Variants in LNX1 observed in about 807,000 individuals in gnomAD.
LNX1 encodes E3 ubiquitin-protein ligase LNX.
LNX1 carries 54 observed loss-of-function variants against 68.4 expected under a neutral mutation model. The ratio of observed to expected loss-of-function variants is 0.79; its 90% CI spans 0.63 to 0.99. The LOEUF is 0.99. LNX1 is among the 50% of genes least tolerant of loss of function. The pLI, the probability that LNX1 is intolerant of heterozygous loss-of-function variation, is 0.00. For missense variants in LNX1, 906 were observed against 926.4 expected (o/e 0.98, Z 0.29); for synonymous variants, 336 against 350.0 (o/e 0.96, Z 0.45).
intron 1 of LNX1, among the ~76,000 whole-genome samples, chr4:53,630,801 C>T (rs372605579): frequency 7.9e-5 from 12 of 152,328 alleles, no homozygotes; most frequent in East Asian, 5.8e-4. Flanking sequence ...GGTAGTTCCT[C>T]TAGGAGCAAT....
chr4:53,590,922 G>GA (rs1280185920), intron 1 of LNX1, among the ~76,000 whole-genome samples: 12 of 150,640 alleles, frequency 8.0e-5, no homozygotes, highest in South Asian at 6.3e-4. Flanking sequence ...CAGGGGGAAA[G>GA]AAAAAAAAAC....
intron 1 of LNX1, among the ~76,000 whole-genome samples, chr4:53,582,902 C>T (rs1731926544): frequency 6.6e-6 from 1 of 152,052 alleles, no homozygotes; most frequent in South Asian, 2.1e-4. Context: ...AACAGACCAG[C>T]GCCTGCCACT....
upstream of LNX1, among the ~76,000 whole-genome samples, chr4:53,594,545 C>A (rs1203343151): frequency 6.6e-6 from 1 of 151,986 alleles, no homozygotes; most frequent in African/African-American, 2.4e-5. Flanking sequence ...GCTCCATTCC[C>A]CCCTCCCATA....
intron 1 of LNX1, among the ~76,000 whole-genome samples, chr4:53,583,932 AAACAAC>A (rs57272023): frequency 0.5 from 75,004 of 149,686 alleles, 19,283 homozygotes; most frequent in East Asian, 0.69. Flanking sequence ...GACCCCCTGC[AAACAAC>A]AACAACAACA....
At chr4:53,579,848 T>C (rs1250511028) in intron 1 of LNX1, among the ~76,000 whole-genome samples, 1 of 152,200 alleles carries the variant, frequency 6.6e-6, no homozygotes, top group Non-Finnish European at 1.5e-5. Context: ...TGGATAAATA[T>C]AACATTTGGC....
At chr4:53,508,583 T>C (rs1174674428) in intron 2 of LNX1, among the ~76,000 whole-genome samples, 2 of 152,222 alleles carry the variant, frequency 1.3e-5, no homozygotes. Context: ...CTGGTGTTTA[T>C]TTTGACCATG....
intron 2 of LNX1, among the ~76,000 whole-genome samples, chr4:53,557,291 T>C (rs1729978309): frequency 6.6e-6 from 1 of 152,156 alleles, no homozygotes; most frequent in Non-Finnish European, 1.5e-5. Flanking sequence ...ATGAAGCAAA[T>C]GTGGCAAAAT....
At chr4:53,599,099 T>C (rs1732881054) in intron 2 of LNX1, among the ~76,000 whole-genome samples, 1 of 152,188 alleles carries the variant, frequency 6.6e-6, no homozygotes. Flanking sequence ...AGAGCTAACA[T>C]TTGAGTGGCA....
At chr4:53,463,379 T>C (rs1722339873) in intron 9 of LNX1, among the ~76,000 whole-genome samples, 1 of 151,808 alleles carries the variant, frequency 6.6e-6, no homozygotes, top group Admixed American at 6.6e-5. Flanking sequence ...GTAAACGCCT[T>C]CTTTTAGTGG....
Position 53,498,801 on chromosome 4 carries a change from G to T in LNX1, c.818C>A (p.Thr273Asn), listed in dbSNP as rs1472753439. The T allele has an allele frequency of 6.2e-7, 1 of 1,613,934 alleles. No individual in the cohort carries two copies. Among genetic ancestry groups the T allele is most frequent in the African/African-American group, 1.3e-5 (1 of 74,902 alleles). The change falls in exon 5 of 11, where the codon ACC (threonine) becomes AAC (asparagine). Residue 273 changes from threonine (T) to asparagine (N), a missense_variant. By Grantham distance (65) the Thr-to-Asn change is moderately conservative. Coordinates refer to ENST00000263925, the MANE Select transcript of LNX1 (RefSeq NM_001126328.3). ...LYHLIPDGEI[T>N]SIKINRVDPS... ...ATCTACTCGATTGATCTTGATGCTG[G>T]TAATTTCACCATCTGGAATCAGGTG... is the stretch of plus-strand genomic sequence containing the variant.
rs1202427369 is a variant in LNX1, at chr4:53,527,550, G to A, written c.381-19323C>T. Among the ~76,000 whole-genome samples the A allele has an allele frequency of 4.6e-5, 7 of 152,224 alleles. No individual in the cohort carries two copies. In the East Asian group the frequency reaches 9.6e-4, roughly 21 times the overall value. ...TTGGCTCCACTGGTTCTGGAGGGCA[G>A]GCTCCAGCCTCCTTTCAAACACTGC... is the stretch of plus-strand genomic sequence containing the variant. On this transcript the variant is annotated intron_variant, in intron 2 of 10. Coordinates refer to ENST00000263925, the MANE Select transcript of LNX1 (RefSeq NM_001126328.3).
rs907251890 is a variant in LNX1 at position 53,460,961 on chromosome 4, T to C, written c.2133A>G (p.Glu711=). The C allele has an allele frequency of 1.9e-6, 3 of 1,610,892 alleles. No individual in the cohort carries two copies. The highest frequency in any genetic ancestry group is 2.2e-5 in the East Asian group (1 of 44,714). Residue 711 remains glutamate, a synonymous_variant, in exon 11 of 11, where the codon GAA becomes GAG. Transcript: ENST00000263925. ...IHACLARLLK[E]LKGRITLTIV... ...TAGTTAGAGTAATTCTTCCTTTAAG[T>C]TCTTTCAGCAGTCTTGCCAAGCAAG... is the stretch of plus-strand genomic sequence containing the variant.
intron 2 of LNX1, among the ~76,000 whole-genome samples, chr4:53,566,707 T>C (rs1463001010): frequency 1.3e-5 from 2 of 151,760 alleles, no homozygotes; most frequent in African/African-American, 2.4e-5. Context: ...GACTGGCAAA[T>C]TGGATAAAGA....
intron 1 of LNX1, among the ~76,000 whole-genome samples, chr4:53,576,716 C>G (rs552635635): frequency 6.6e-6 from 1 of 152,162 alleles, no homozygotes; most frequent in African/African-American, 2.4e-5. Context: ...AATTAAAAGA[C>G]CTTATGCTTT....
chr4:53,502,860 T>C (rs372444748), intron 4 of LNX1, among the ~76,000 whole-genome samples: 14 of 152,358 alleles, frequency 9.2e-5, no homozygotes, highest in African/African-American at 3.1e-4. Flanking sequence ...GAAACCACTT[T>C]ATTTGCTCAT....
chr4:53,466,660 G>A (rs1579350627), intron 9 of LNX1, among the ~76,000 whole-genome samples: 1 of 152,338 alleles, frequency 6.6e-6, no homozygotes, highest in East Asian at 1.9e-4. Context: ...TGTTCCAATG[G>A]GCTTAACAAA....
chr4:53,520,352 A>G (rs558040669), intron 2 of LNX1, among the ~76,000 whole-genome samples: 1 of 152,328 alleles, frequency 6.6e-6, no homozygotes, highest in East Asian at 1.9e-4. Context: ...CAGAATTCCA[A>G]AGCCACAACC....
rs1328608106 is a variant in LNX1 at position 53,613,540 on chromosome 4, G to A, written c.-215+2977C>T. On this transcript the variant is annotated intron_variant, in intron 2 of 3. Transcript: ENST00000504299. ...CCCACCGTCCAGTAAGCCCCAGTGT[G>A]CATTGTTCCAATGCGGTATTTGGTT... Among the ~76,000 whole-genome samples the A allele has an allele frequency of 3.9e-5, 6 of 151,986 alleles. No homozygotes were observed. In the East Asian group the frequency reaches 1.2e-3, roughly 29 times the overall value.
chr4:53,493,511 AC>A (rs1456676776), intron 6 of LNX1, among the ~76,000 whole-genome samples: 1 of 152,188 alleles, frequency 6.6e-6, no homozygotes, highest in Non-Finnish European at 1.5e-5. Context: ...TGACAGTAAT[AC>A]CATCCAACAC....
Sources: gnomAD v4.1 joint callset for allele counts (sites outside exome capture counted in the v4.1 genomes callset) on GRCh38, gnomAD v4.1.1 for gene constraint, MANE v1.5 for transcripts, NCBI Gene and HGNC (gene_info 2026-07-23, HGNC 2026-07-21) for gene names.